The following FAM89A variants were observed in gnomAD, a reference collection of about 807,000 sequenced individuals.
FAM89A encodes the protein protein FAM89A.
In FAM89A, 10 loss-of-function variants were observed where a neutral mutation model predicts 7.1. That is an observed-to-expected ratio of 1.40 (90% CI 0.86 to 2.38). The LOEUF is 2.38. FAM89A is among the 30% of genes most tolerant of loss of function. The pLI, the probability that FAM89A is intolerant of heterozygous loss-of-function variation, is 0.00. For synonymous variants in FAM89A, 157 were observed against 129.3 expected (o/e 1.21, Z -1.45); for missense variants, 276 against 262.8 (o/e 1.05, Z -0.35).
intron 1 of FAM89A, among the ~76,000 whole-genome samples, chr1:231,027,451 C>T (rs567944964): frequency 6.6e-6 from 1 of 152,292 alleles, no homozygotes; most frequent in East Asian, 1.9e-4. Flanking sequence ...GACGCACACA[C>T]ATACATATGC....
chr1:231,030,067 T>C (rs1239137565), intron 1 of FAM89A, among the ~76,000 whole-genome samples: 1 of 152,222 alleles, frequency 6.6e-6, no homozygotes. Flanking sequence ...AGAAACACCC[T>C]TGAAGGACTC....
At chr1:231,026,080 A>AG (rs1679964435) in intron 1 of FAM89A, 1 of 154,414 alleles carries the variant, frequency 6.5e-6, no homozygotes, top group African/African-American at 2.4e-5. Flanking sequence ...CTAAAAAAAA[A>AG]AAAAAAAAAT....
intron 1 of FAM89A, among the ~76,000 whole-genome samples, chr1:231,031,109 CAATAATAAT>C (rs138693629): frequency 1.3e-5 from 2 of 150,394 alleles, no homozygotes; most frequent in African/African-American, 4.9e-5. Flanking sequence ...GACTCTGTCT[CAATAATAAT>C]AATAATAATA....
intron 1 of FAM89A, among the ~76,000 whole-genome samples, chr1:231,032,420 G>T: frequency 8.3e-6 from 1 of 120,168 alleles, no homozygotes; most frequent in Non-Finnish European, 1.6e-5. Flanking sequence ...TGCATGAGAA[G>T]GTTTACTTCT....
At position 231,023,794 on chromosome 1, in the gene FAM89A, CCT is replaced by C. The variant is rs1487935741; in HGVS notation, c.292-3670_292-3669del. Among the ~76,000 whole-genome samples the C allele has an allele frequency of 1.1e-4, 16 of 152,306 alleles. 1 individual carries two copies. The South Asian group carries it at 3.3e-3, about 32-fold the overall frequency. ...ATTGTGATGTGTAGCGTGTCTGCCCCCTGACTGGACATCATTGCCATTAACTT... is the reference window on the plus strand; with the variant it reads ...ATTGTGATGTGTAGCGTGTCTGCCCCGACTGGACATCATTGCCATTAACTT... On this transcript the variant is annotated intron_variant, in intron 1 of 1. Transcript: ENST00000366654.
chr1:231,037,062 AT>A (rs1359070894), intron 1 of FAM89A, among the ~76,000 whole-genome samples: 1 of 152,168 alleles, frequency 6.6e-6, no homozygotes, highest in Non-Finnish European at 1.5e-5. Context: ...AATGTGTTGT[AT>A]ATATGTATGT....
At chr1:231,033,960 T>A (rs531427801) in intron 1 of FAM89A, among the ~76,000 whole-genome samples, 16 of 152,184 alleles carry the variant, frequency 1.1e-4, no homozygotes, top group Non-Finnish European at 2.1e-4. Context: ...CAAACTAATA[T>A]ATATTCTTTT....
chr1:231,030,635 A>G (rs1680050747), intron 1 of FAM89A, among the ~76,000 whole-genome samples: 3 of 152,180 alleles, frequency 2.0e-5, no homozygotes, highest in African/African-American at 7.2e-5. Flanking sequence ...TTGTATTATA[A>G]ATTCAAATGG....
intron 1 of FAM89A, among the ~76,000 whole-genome samples, chr1:231,037,069 T>C (rs1261723195): frequency 6.6e-6 from 1 of 152,208 alleles, no homozygotes; most frequent in East Asian, 1.9e-4. Flanking sequence ...TGTATATATG[T>C]ATGTGTGTGT....
At chr1:231,029,310 G>A (rs377659647) in intron 1 of FAM89A, among the ~76,000 whole-genome samples, 1 of 152,000 alleles carries the variant, frequency 6.6e-6, no homozygotes, top group Admixed American at 6.6e-5. Context: ...GCAAGATGAC[G>A]AGACCCTCAT....
At chr1:231,036,699 C>T (rs138232692) in intron 1 of FAM89A, among the ~76,000 whole-genome samples, 2,366 of 152,196 alleles carry the variant, frequency 0.016, 21 homozygotes, top group Middle Eastern at 0.034. Flanking sequence ...ATCCGAATGG[C>T]CTCTCCTCCC....
chr1:231,021,876 A>C, intron 1 of FAM89A: 2 of 1,579,816 alleles, frequency 1.3e-6, no homozygotes, highest in South Asian at 2.2e-5. Context: ...GACCATGCTG[A>C]CAGCTGCATG....
chr1:231,031,109 C>CAAT (rs138693629), intron 1 of FAM89A, among the ~76,000 whole-genome samples: 10,293 of 150,328 alleles, frequency 0.068, 654 homozygotes, highest in African/African-American at 0.17. Flanking sequence ...GACTCTGTCT[C>CAAT]AATAATAATA....
intron 1 of FAM89A, among the ~76,000 whole-genome samples, chr1:231,039,204 C>CT (rs1680208659): frequency 6.6e-6 from 1 of 152,266 alleles, no homozygotes; most frequent in Non-Finnish European, 1.5e-5. Flanking sequence ...CAGAGAAACA[C>CT]TGAGCCCATG....
At chr1:231,025,787 T>C (rs957866303) in intron 1 of FAM89A, among the ~76,000 whole-genome samples, 1 of 151,978 alleles carries the variant, frequency 6.6e-6, no homozygotes, top group African/African-American at 2.4e-5. Context: ...TCAGTCAGTT[T>C]AGGAATTTTC....
chr1:231,026,833 AG>A (rs1003847720), intron 1 of FAM89A: 2 of 152,124 alleles, frequency 1.3e-5, no homozygotes, highest in African/African-American at 4.8e-5. Flanking sequence ...ATTTCATAAA[AG>A]AAATAATAAC....
intron 1 of FAM89A, chr1:231,021,552 A>T: frequency 9.9e-7 from 1 of 1,005,890 alleles, no homozygotes; most frequent in Non-Finnish European, 1.5e-6. Flanking sequence ...ACTTCCCTGC[A>T]AACCTTGGTA....
chr1:231,033,875 G>C (rs559935275), intron 1 of FAM89A, among the ~76,000 whole-genome samples: 5 of 152,230 alleles, frequency 3.3e-5, no homozygotes, highest in African/African-American at 1.2e-4. Flanking sequence ...AGTGAATGAA[G>C]CCAGGCAATG....
In FAM89A at chr1:231,018,965, T is replaced by C. The variant is rs540952327; in HGVS notation, c.*898A>G. The C allele has an allele frequency of 6.6e-6, 1 of 152,366 alleles. No individual in the cohort carries two copies. The highest frequency in any genetic ancestry group is 2.1e-4 in the South Asian group (1 of 4,830). 9.4% of individuals were successfully genotyped at this position (152,366 alleles called of 1,614,324 possible). A position where few individuals can be genotyped will look rare whatever the true frequency, so the allele number is the denominator to read the frequency against. On this transcript the variant is annotated 3_prime_UTR_variant, in exon 2 of 2. Transcript: ENST00000366654. ...AAAATAACACATGACACAGATAGTT[T>C]AGCATTTTATCCTCATTTTTAACCT...
Sources: gnomAD v4.1 joint callset for allele counts (sites outside exome capture counted in the v4.1 genomes callset) on GRCh38, gnomAD v4.1.1 for gene constraint, MANE v1.5 for transcripts, NCBI Gene and HGNC (gene_info 2026-07-23, HGNC 2026-07-21) for gene names.